C2orf78: variants seen among roughly 807,000 people sequenced by gnomAD.
C2orf78 encodes the protein uncharacterized protein C2orf78.
In C2orf78, 12 loss-of-function variants were observed where a neutral mutation model predicts 21.4. That is an observed-to-expected ratio of 0.56 (90% CI 0.36 to 0.91). C2orf78 has a LOEUF of 0.91. C2orf78 is among the 40% of genes least tolerant of loss of function. The pLI, the probability that C2orf78 is intolerant of heterozygous loss-of-function variation, is 0.01. For synonymous variants in C2orf78, 396 were observed against 413.9 expected (o/e 0.96, Z 0.52); for missense variants, 1,042 against 1,092.4 (o/e 0.95, Z 0.65).
In C2orf78 at chr2:73,816,602, AC is replaced by A. The variant is rs758156832; in HGVS notation, c.2382del (p.Ser795ValfsTer38). The A allele has an allele frequency of 6.2e-7, 1 of 1,612,274 alleles. No individual in the cohort carries two copies. On this transcript the variant is annotated frameshift_variant, in exon 3 of 3. Transcript: ENST00000409561. LOFTEE classifies it low-confidence loss of function (END_TRUNC). ...AGCCAATTTCAGCCAAAGCAACCCA[AC>A]CCAGTTCAGCCAACCCTACCCAGCC...
rs1672995862 is a variant in C2orf78 at position 73,808,134 on chromosome 2, G to A, written c.98-5343G>A. On this transcript the variant is annotated intron_variant, in intron 1 of 2. Transcript: ENST00000409561. ...CCGGCTGAAGTGGCAGGCGCCTGTAGTCCCAGCTACTAAGGAGTCTGAGGC... is the reference window on the plus strand; with the variant it reads ...CCGGCTGAAGTGGCAGGCGCCTGTAATCCCAGCTACTAAGGAGTCTGAGGC... 1.3e-5 allele frequency among the ~76,000 whole-genome samples: 2 copies of A among 151,060 alleles called. 1 individual carries two copies. Among genetic ancestry groups the A allele is most frequent in the African/African-American group, 4.9e-5 (2 of 40,432 alleles).
chr2:73,810,105 G>A (rs1673048322), intron 1 of C2orf78, among the ~76,000 whole-genome samples: 1 of 152,112 alleles, frequency 6.6e-6, no homozygotes, highest in South Asian at 2.1e-4. Context: ...CAAAGGACTA[G>A]GAAGGAAACA....
chr2:73,815,423 C>T, exon 3 of C2orf78: 1 of 1,613,948 alleles, frequency 6.2e-7, no homozygotes, highest in Non-Finnish European at 8.5e-7. Context: ...CGCTTCTGGC[C>T]TGCATTGATC....
chr2:73,813,321 C>T (rs1673125803), intron 1 of C2orf78, among the ~76,000 whole-genome samples, 156 bp from the exon 2 acceptor site: 1 of 152,182 alleles, frequency 6.6e-6, no homozygotes, highest in Non-Finnish European at 1.5e-5. Context: ...CTTCAGCACT[C>T]AAGGCCATCA....
At chr2:73,812,112 G>T (rs1673101492) in intron 1 of C2orf78, among the ~76,000 whole-genome samples, 1 of 151,950 alleles carries the variant, frequency 6.6e-6, no homozygotes, top group Admixed American at 6.6e-5. Context: ...ACTTTTTGCT[G>T]ATACAATTTC....
At chr2:73,812,193 TAAGAA>T (rs1673103305) in intron 1 of C2orf78, among the ~76,000 whole-genome samples, 2 of 152,220 alleles carry the variant, frequency 1.3e-5, no homozygotes. Flanking sequence ...TAGTATTCAC[TAAGAA>T]AGAGTAGATA....
chr2:73,807,898 A>G lies in C2orf78; in HGVS notation c.98-5579A>G, dbSNP rs187970689. 8.6e-4 allele frequency among the ~76,000 whole-genome samples: 129 copies of G among 149,944 alleles called. 2 individuals are homozygous for G. Among genetic ancestry groups the G allele is most frequent in the Admixed American group, 1.7e-3 (25 of 15,126 alleles). ...ACCACATCATTTCCTACAAGGGGCA[A>G]TCAACAAACTTTGCTGTTCAAGTTA... is the stretch of plus-strand genomic sequence containing the variant. On this transcript the variant is annotated intron_variant, in intron 1 of 2. Transcript: ENST00000409561.
At chr2:73,816,778 T>A in exon 3 of C2orf78, 1 of 1,613,964 alleles carries the variant, frequency 6.2e-7, no homozygotes, top group Non-Finnish European at 8.5e-7. Context: ...GACTTCAGCC[T>A]CCAACCCCGT....
chr2:73,815,682 G>C, exon 3 of C2orf78: 1 of 1,613,910 alleles, frequency 6.2e-7, no homozygotes, highest in Non-Finnish European at 8.5e-7. Context: ...TCAGGTGCAG[G>C]AAAAGTCATG....
exon 3 of C2orf78, chr2:73,815,538 A>G (rs1443043966): frequency 6.2e-6 from 10 of 1,613,864 alleles, no homozygotes; most frequent in Non-Finnish European, 8.5e-6. Context: ...TGAGTCTAGC[A>G]GTGATTTGGC....
chr2:73,812,779 A>G (rs753882230), intron 1 of C2orf78, among the ~76,000 whole-genome samples: 1 of 152,192 alleles, frequency 6.6e-6, no homozygotes, highest in East Asian at 1.9e-4. Context: ...TTGACTAATG[A>G]TAAAAAGCCA....
chr2:73,815,026 C>T (rs1239140590), intron 2 of C2orf78, 45 bp from the exon 3 acceptor site: 16 of 1,551,850 alleles, frequency 1.0e-5, no homozygotes, highest in Admixed American at 5.6e-5. Flanking sequence ...GTAGGGGGAG[C>T]ATCTCACTTA....
At chr2:73,815,143 A>T (rs769203995) in exon 3 of C2orf78, 9 of 1,613,858 alleles carry the variant, frequency 5.6e-6, no homozygotes, top group African/African-American at 1.3e-5. Context: ...TGTCTGCCAC[A>T]AACTCCAGAA....
intron 1 of C2orf78, among the ~76,000 whole-genome samples, chr2:73,813,016 G>A (rs1255334475): frequency 1.3e-5 from 2 of 152,152 alleles, no homozygotes; most frequent in Non-Finnish European, 2.9e-5. Context: ...AGGAAGTCAG[G>A]TTCTGTAACC....
intron 1 of C2orf78, 71 bp downstream of exon 1, chr2:73,784,477 C>T: frequency 1.8e-6 from 1 of 568,168 alleles, no homozygotes; most frequent in South Asian, 2.0e-5. Context: ...TTCTTTCCCC[C>T]TATATTCCCA....
intron 1 of C2orf78, among the ~76,000 whole-genome samples, chr2:73,808,230 G>T (rs1399253984): frequency 6.6e-6 from 1 of 150,892 alleles, no homozygotes; most frequent in Non-Finnish European, 1.5e-5. Flanking sequence ...CTCCAGCCTG[G>T]GTGACAGAGC....
intron 1 of C2orf78, among the ~76,000 whole-genome samples, chr2:73,810,156 A>G (rs1344987200): frequency 6.6e-6 from 1 of 152,082 alleles, no homozygotes; most frequent in Non-Finnish European, 1.5e-5. Context: ...CCTTATCAGA[A>G]GTCATATTCA....
In C2orf78 at chr2:73,814,178, A is replaced by AC; in HGVS notation, c.799_800insC (p.Met267ThrfsTer51). The AC allele has an allele frequency of 6.2e-7, 1 of 1,604,390 alleles. No individual in the cohort carries two copies. Among genetic ancestry groups the AC allele is most frequent in the Non-Finnish European group, 8.5e-7 (1 of 1,172,788 alleles). On this transcript the variant is annotated frameshift_variant, in exon 2 of 3. Coordinates refer to ENST00000409561, the Ensembl canonical transcript of C2orf78. LOFTEE classifies it low-confidence loss of function (END_TRUNC). Reference sequence around the variant, plus strand: ...CCTACCACCAGTCTCTACTTCTGGGATGTATTACTCTGTGTCTTCTCAACC... The same window carrying AC: ...CCTACCACCAGTCTCTACTTCTGGGACTGTATTACTCTGTGTCTTCTCAACC...
exon 3 of C2orf78, chr2:73,816,259 A>G: frequency 1.2e-6 from 2 of 1,613,894 alleles, no homozygotes; most frequent in Non-Finnish European, 1.7e-6. Context: ...GATATCCAAC[A>G]TGAGGGTAAA....
Sources: gnomAD v4.1 joint callset for allele counts (sites outside exome capture counted in the v4.1 genomes callset) on GRCh38, gnomAD v4.1.1 for gene constraint, MANE v1.5 for transcripts, NCBI Gene and HGNC (gene_info 2026-07-23, HGNC 2026-07-21) for gene names.